Variants in ROBO2 observed in about 807,000 individuals in gnomAD.
The protein encoded by ROBO2 is roundabout homolog 2.
A neutral mutation model predicts 160.8 loss-of-function variants in ROBO2; 53 were observed. The observed-to-expected ratio is 0.33, with a 90% CI of 0.26 to 0.41. ROBO2 has a LOEUF of 0.41. ROBO2 is among the 10% of genes least tolerant of loss of function. The pLI, the probability that ROBO2 is intolerant of heterozygous loss-of-function variation, is 1.00. For synonymous variants in ROBO2, 664 were observed against 611.7 expected (o/e 1.09, Z -1.26); for missense variants, 1,577 against 1,722.4 (o/e 0.92, Z 1.49).
Position 77,066,408 on chromosome 3 carries a change from A to T in ROBO2, c.61+25562A>T, listed in dbSNP as rs376087783. Among the ~76,000 whole-genome samples, 25 of 152,286 alleles carry T rather than the reference A, an allele frequency of 1.6e-4. No individual in the cohort carries two copies. In the East Asian group the frequency reaches 4.6e-3, roughly 28 times the overall value. ...GACAACATTAACTGCAGTTGGAAAA[A>T]AATTGGCTTCAAAGTCAACTCTTTG... On this transcript the variant is annotated intron_variant, in intron 1 of 25. Coordinates refer to ENST00000461745, the Ensembl canonical transcript of ROBO2.
chr3:77,435,698 A>T (rs1198878771), intron 2 of ROBO2, among the ~76,000 whole-genome samples: 1 of 151,828 alleles, frequency 6.6e-6, no homozygotes, highest in African/African-American at 2.4e-5. Flanking sequence ...ATTCCATCTG[A>T]CAATGCTTTG....
intron 2 of ROBO2, among the ~76,000 whole-genome samples, chr3:76,296,565 A>G (rs1362169899): frequency 6.6e-6 from 1 of 150,758 alleles, no homozygotes; most frequent in African/African-American, 2.5e-5. Flanking sequence ...CTTTCTCCCT[A>G]TGGCATTTAT....
chr3:77,076,679 G>A (rs1311572961), intron 1 of ROBO2, among the ~76,000 whole-genome samples: 1 of 152,076 alleles, frequency 6.6e-6, no homozygotes, highest in Non-Finnish European at 1.5e-5. Flanking sequence ...ATTTCTAATA[G>A]AAATAATGTA....
rs927211027 is a variant in ROBO2 at position 77,355,483 on chromosome 3, G to T, written c.389-121931G>T. On this transcript the variant is annotated intron_variant, in intron 2 of 25. Transcript: ENST00000461745. ...GTAATTGTGGGAGTGGGGTTGTGAA[G>T]AGGTGATTGTAGCAGGTGAAATTAA... 5.1e-4 allele frequency among the ~76,000 whole-genome samples: 77 copies of T among 152,268 alleles called. 1 individual carries two copies. Among genetic ancestry groups the T allele is most frequent in the Admixed American group, 2.1e-3 (32 of 15,268 alleles).
At chr3:77,513,200 C>G (rs1582608727) in intron 5 of ROBO2, among the ~76,000 whole-genome samples, 1 of 151,608 alleles carries the variant, frequency 6.6e-6, no homozygotes, top group Admixed American at 6.6e-5. Context: ...TAATTTTTTC[C>G]TCCTCCTAAA....
Position 76,603,353 on chromosome 3 carries a change from T to A in ROBO2, c.110-494661T>A, listed in dbSNP as rs1431399451. Among the ~76,000 whole-genome samples, 431 of 55,934 alleles carry A rather than the reference T, an allele frequency of 7.7e-3. 2 individuals carry two copies. Among genetic ancestry groups the A allele is most frequent in the East Asian group, 0.017 (26 of 1,496 alleles). 36.7% of individuals were successfully genotyped at this position (55,934 alleles called of 152,430 possible). Reference sequence around the variant, plus strand: ...TCTCCAAAAAAAAAAAAAAAAAAAATATATATATATATATATATATATATA... The same window carrying A: ...TCTCCAAAAAAAAAAAAAAAAAAAAAATATATATATATATATATATATATA... On this transcript the variant is annotated intron_variant, in intron 2 of 26. Transcript: ENST00000487694.
intron 2 of ROBO2, among the ~76,000 whole-genome samples, chr3:76,455,921 A>T (rs2077725690): frequency 6.6e-6 from 1 of 152,200 alleles, no homozygotes; most frequent in East Asian, 1.9e-4. Context: ...GAAATCATTC[A>T]TTATGCATGT....
chr3:77,028,164 C>T (rs992757608), intron 2 of ROBO2, among the ~76,000 whole-genome samples: 8 of 152,020 alleles, frequency 5.3e-5, no homozygotes, highest in African/African-American at 1.9e-4. Context: ...CAACTGCCAA[C>T]GTTTTTCTCA....
intron 2 of ROBO2, among the ~76,000 whole-genome samples, chr3:76,390,881 G>A (rs2077117107): frequency 1.3e-5 from 2 of 152,148 alleles, no homozygotes; most frequent in African/African-American, 2.4e-5. Flanking sequence ...GACATTGAAT[G>A]TGTAGACCCT....
At chr3:76,375,555 G>A (rs1291135019) in intron 2 of ROBO2, among the ~76,000 whole-genome samples, 1 of 151,934 alleles carries the variant, frequency 6.6e-6, no homozygotes, top group Non-Finnish European at 1.5e-5. Context: ...CAGCTAAGTT[G>A]TTGATGAAAT....
At chr3:76,760,433 A>G (rs2061239215) in intron 2 of ROBO2, among the ~76,000 whole-genome samples, 1 of 151,712 alleles carries the variant, frequency 6.6e-6, no homozygotes, top group African/African-American at 2.4e-5. Context: ...AAATGAGTAT[A>G]GCAAAATGCC....
At chr3:76,850,337 C>G (rs2069215417) in intron 2 of ROBO2, among the ~76,000 whole-genome samples, 2 of 152,090 alleles carry the variant, frequency 1.3e-5, no homozygotes, top group African/African-American at 4.8e-5. Context: ...GTGATTATAG[C>G]TTAACCCTGC....
At chr3:76,529,889 C>T (rs1373218789) in intron 2 of ROBO2, among the ~76,000 whole-genome samples, 4 of 152,114 alleles carry the variant, frequency 2.6e-5, no homozygotes, top group African/African-American at 9.7e-5. Flanking sequence ...CCATAATTTT[C>T]AGATTATTGC....
At chr3:76,745,705 C>G (rs1016230994) in intron 2 of ROBO2, among the ~76,000 whole-genome samples, 2 of 151,912 alleles carry the variant, frequency 1.3e-5, no homozygotes, top group Admixed American at 1.3e-4. Flanking sequence ...ATCAAATTTT[C>G]TTTGAATCTC....
intron 2 of ROBO2, among the ~76,000 whole-genome samples, chr3:76,755,502 C>T (rs75247792): frequency 2.8e-3 from 418 of 151,854 alleles, no homozygotes; most frequent in African/African-American, 9.6e-3. Context: ...ATACTTAAAG[C>T]GTAACTAAAA....
At chr3:76,222,120 A>G (rs1704005124) in intron 2 of ROBO2, among the ~76,000 whole-genome samples, 1 of 152,086 alleles carries the variant, frequency 6.6e-6, no homozygotes, top group African/African-American at 2.4e-5. Context: ...GTGCATGCAT[A>G]ACCTTCATCC....
chr3:76,111,279 C>T (rs2070218041), intron 2 of ROBO2, among the ~76,000 whole-genome samples: 1 of 151,914 alleles, frequency 6.6e-6, no homozygotes, highest in African/African-American at 2.4e-5. Context: ...AGCTGCCAGC[C>T]AAGAAACACC....
intron 2 of ROBO2, among the ~76,000 whole-genome samples, chr3:76,724,130 T>C (rs1018628527): frequency 1.3e-5 from 2 of 152,192 alleles, no homozygotes; most frequent in African/African-American, 4.8e-5. Flanking sequence ...TTAATTCCTA[T>C]TAATTATACT....
chr3:76,779,736 T>C (rs912461791), intron 2 of ROBO2, among the ~76,000 whole-genome samples: 6 of 150,982 alleles, frequency 4.0e-5, no homozygotes, highest in Non-Finnish European at 7.4e-5. Context: ...AATTTTCCTT[T>C]TTTAAGGATG....
Sources: allele counts gnomAD v4.1 joint callset (sites outside exome capture counted in the v4.1 genomes callset), GRCh38; gene constraint gnomAD v4.1.1; transcripts MANE v1.5; gene names NCBI Gene and HGNC (gene_info 2026-07-23, HGNC 2026-07-21).